VSTM1: variants seen among roughly 807,000 people sequenced by gnomAD.
VSTM1 encodes V-set and transmembrane domain-containing protein 1.
VSTM1 carries 27 observed loss-of-function variants against 33.1 expected under a neutral mutation model. The observed-to-expected ratio is 0.82, with a 90% CI of 0.60 to 1.12. VSTM1 has a LOEUF of 1.12. Among genes scored for constraint, VSTM1 ranks in the 50% most tolerant of loss-of-function variants. The pLI, the probability that VSTM1 is intolerant of heterozygous loss-of-function variation, is 0.00. For missense variants in VSTM1, 304 were observed against 288.9 expected (o/e 1.05, Z -0.38); for synonymous variants, 115 against 110.3 (o/e 1.04, Z -0.27).
Position 54,058,687 on chromosome 19 carries a change from G to T in VSTM1, c.70+10C>A, listed in dbSNP as rs1295803108. 1 of 1,613,884 alleles carries T rather than the reference G, an allele frequency of 6.2e-7. No homozygotes were observed. Among genetic ancestry groups the T allele is most frequent in the Non-Finnish European group, 8.5e-7 (1 of 1,179,974 alleles). On this transcript the variant is annotated intron_variant, in intron 2 of 8. Transcript: ENST00000338372. ...TGCAGGAATAAAAGTTTAAGTAGGAGAAAACTCACCATTCTTTTTCTCATC... is the reference window on the plus strand; with the variant it reads ...TGCAGGAATAAAAGTTTAAGTAGGATAAAACTCACCATTCTTTTTCTCATC...
chr19:54,047,013 T>A (rs1336405776), intron 4 of VSTM1, among the ~76,000 whole-genome samples: 1 of 152,044 alleles, frequency 6.6e-6, no homozygotes, highest in African/African-American at 2.4e-5. Context: ...CTGACCAACA[T>A]GGAGAAACCC....
chr19:54,049,929 G>T (rs1382713935), intron 4 of VSTM1, among the ~76,000 whole-genome samples: 1 of 151,718 alleles, frequency 6.6e-6, no homozygotes, highest in Non-Finnish European at 1.5e-5. Context: ...TCTGCATTTG[G>T]CCCTTAAAGT....
chr19:54,058,557 G>A lies in VSTM1; in HGVS notation c.104C>T (p.Pro35Leu). ...GCTCTCGGCTTCAACCACCGAGCTG[G>A]GCCAGGCGTGGAGGGAGGGCTTGGG... ...KPPKPSLHAW[P>L]SSVVEAESNV... The change falls in exon 3 of 9, where the codon CCC becomes CTC. Residue 35 changes from proline to leucine, a missense_variant. By Grantham distance (98) the Pro-to-Leu change is moderately conservative. Coordinates refer to ENST00000338372, the MANE Select transcript of VSTM1 (RefSeq NM_198481.4). 1 of 1,614,056 alleles carries A rather than the reference G, an allele frequency of 6.2e-7. No individual in the cohort carries two copies. Among genetic ancestry groups the A allele is most frequent in the Non-Finnish European group, 8.5e-7 (1 of 1,180,014 alleles).
intron 4 of VSTM1, 84 bp from the exon 5 acceptor site, chr19:54,042,453 A>G: frequency 1.3e-6 from 2 of 1,514,128 alleles, no homozygotes; most frequent in South Asian, 2.5e-5. Context: ...AAGAGAAGCC[A>G]GACAGATGGC....
At chr19:54,063,418 C>T in intron 1 of VSTM1, among the ~76,000 whole-genome samples, 1 of 152,054 alleles carries the variant, frequency 6.6e-6, no homozygotes, top group East Asian at 1.9e-4. Flanking sequence ...AGCCTTGCAC[C>T]CTGTAGATCC....
chr19:54,042,841 T>TATATATAA (rs1555752727), intron 4 of VSTM1, among the ~76,000 whole-genome samples: 2 of 96,392 alleles, frequency 2.1e-5, no homozygotes, highest in African/African-American at 3.7e-5. Context: ...TATATATACA[T>TATATATAA]ATATATATAT....
chr19:54,046,438 T>C (rs1382044275), intron 4 of VSTM1, among the ~76,000 whole-genome samples: 1 of 152,148 alleles, frequency 6.6e-6, no homozygotes, highest in African/African-American at 2.4e-5. Context: ...AGTTAGGTAA[T>C]GATGAAAAAT....
chr19:54,042,743 TAC>T (rs1396180126), intron 4 of VSTM1, among the ~76,000 whole-genome samples: 4 of 129,674 alleles, frequency 3.1e-5, no homozygotes, highest in African/African-American at 8.6e-5. Context: ...TATATATATA[TAC>T]GTGTGTGTGT....
Position 54,046,725 on chromosome 19 carries a change from C to T in VSTM1, c.395-4356G>A, listed in dbSNP as rs530226878. On this transcript the variant is annotated intron_variant, in intron 4 of 8. Transcript: ENST00000338372. Reference sequence around the variant, plus strand: ...CCAAATGCCTTGGAATTTACATGCCCGGGACAAACTGCCACTGACGGCTGT... The same window carrying T: ...CCAAATGCCTTGGAATTTACATGCCTGGGACAAACTGCCACTGACGGCTGT... Among the ~76,000 whole-genome samples the T allele has an allele frequency of 5.6e-4, 85 of 152,094 alleles. No homozygotes were observed. In the South Asian group the frequency reaches 0.01, roughly 18 times the overall value.
chr19:54,055,241 T>A (rs2071035607), intron 3 of VSTM1, among the ~76,000 whole-genome samples: 1 of 140,746 alleles, frequency 7.1e-6, no homozygotes, highest in African/African-American at 2.6e-5. Flanking sequence ...CATAGAGCAC[T>A]GGACACTCTT....
chr19:54,048,908 A>C (rs2070720088), intron 4 of VSTM1, among the ~76,000 whole-genome samples: 1 of 152,042 alleles, frequency 6.6e-6, no homozygotes, highest in South Asian at 2.1e-4. Flanking sequence ...ACATGGTGAA[A>C]CCCCCTCTCT....
intron 1 of VSTM1, among the ~76,000 whole-genome samples, chr19:54,062,781 C>CA (rs1311312703): frequency 6.6e-6 from 1 of 151,844 alleles, no homozygotes; most frequent in Non-Finnish European, 1.5e-5. Flanking sequence ...AGCATTACCC[C>CA]ACAAGGAAGG....
At position 54,041,394 on chromosome 19, in the gene VSTM1, C is replaced by T. The variant is rs535328900; in HGVS notation, c.592-314G>A. 7.2e-5 allele frequency among the ~76,000 whole-genome samples: 11 copies of T among 152,010 alleles called. No individual in the cohort carries two copies. In the South Asian group the frequency reaches 8.3e-4, roughly 12 times the overall value. Reference sequence around the variant, plus strand: ...TCGGCTCACTGCAACCTCCGCCTCCCGGGTTCAAGCCATTCTCCTGGCTCA... The same window carrying T: ...TCGGCTCACTGCAACCTCCGCCTCCTGGGTTCAAGCCATTCTCCTGGCTCA... On this transcript the variant is annotated intron_variant, in intron 8 of 8. Coordinates refer to ENST00000338372, the MANE Select transcript of VSTM1 (RefSeq NM_198481.4).
At chr19:54,048,498 T>A (rs147327510) in intron 4 of VSTM1, 264 of 178,298 alleles carry the variant, frequency 1.5e-3, no homozygotes, top group African/African-American at 5.7e-3. Flanking sequence ...TAATACCCAC[T>A]GGGATGGCTA....
Position 54,054,571 on chromosome 19 carries a change from C to T in VSTM1, c.356-3123G>A, listed in dbSNP as rs906193284. ...ATTTCCCATGATATGGCAGGACTGA[C>T]CTACTGGAAGCAACTGTGGTCAGTT... On this transcript the variant is annotated intron_variant, in intron 3 of 8. Coordinates refer to ENST00000338372, the MANE Select transcript of VSTM1 (RefSeq NM_198481.4). Among the ~76,000 whole-genome samples the T allele has an allele frequency of 1.4e-5, 2 of 142,332 alleles. 1 individual carries two copies. Among genetic ancestry groups the T allele is most frequent in the South Asian group, 4.6e-4 (2 of 4,364 alleles). 93.4% of individuals were successfully genotyped at this position (142,332 alleles called of 152,430 possible).
intron 4 of VSTM1, 23 bp downstream of exon 4, chr19:54,051,386 AC>A: frequency 6.3e-7 from 1 of 1,594,412 alleles, no homozygotes; most frequent in Non-Finnish European, 8.5e-7. Context: ...ATTGGGAAAA[AC>A]ATCTCCTTTC....
In VSTM1 at chr19:54,052,434, A is replaced by G. The variant is rs1052302877; in HGVS notation, c.356-986T>C. Among the ~76,000 whole-genome samples, 24 of 141,552 alleles carry G rather than the reference A, an allele frequency of 1.7e-4. 6 individuals are homozygous for G. The highest frequency in any genetic ancestry group is 5.2e-4 in the African/African-American group (20 of 38,494). The allele number at this position is 141,552 out of a possible 152,430, so 92.9% of individuals were successfully genotyped here. On this transcript the variant is annotated intron_variant, in intron 3 of 8. Transcript: ENST00000338372. ...AAAAATAAAAATAAAAATGAAATGA[A>G]ATATCACCTACTCACCAGTCCCTGG...
chr19:54,048,838 C>T (rs2070716875), intron 4 of VSTM1, among the ~76,000 whole-genome samples: 1 of 152,136 alleles, frequency 6.6e-6, no homozygotes, highest in African/African-American at 2.4e-5. Context: ...AATCCCAGCA[C>T]TTTGGGAAGC....
chr19:54,063,689 C>T, intron 1 of VSTM1, 55 bp downstream of exon 1: 2 of 1,606,100 alleles, frequency 1.2e-6, no homozygotes, highest in South Asian at 2.2e-5. Context: ...CTGCCACTCC[C>T]ACATGAGTTT....
Sources: gnomAD v4.1 joint callset for allele counts (sites outside exome capture counted in the v4.1 genomes callset) on GRCh38, gnomAD v4.1.1 for gene constraint, MANE v1.5 for transcripts, NCBI Gene and HGNC (gene_info 2026-07-23, HGNC 2026-07-21) for gene names.